KATNAL2: variants seen among roughly 807,000 people sequenced by gnomAD.
KATNAL2 encodes the protein katanin p60 ATPase-containing subunit A-like 2.
Under a neutral mutation model 76.3 loss-of-function variants are expected in KATNAL2, and 52 were observed. The observed-to-expected ratio is 0.68, with a 90% CI of 0.55 to 0.86. The LOEUF (loss-of-function observed/expected upper bound fraction) is 0.86. Among genes scored for constraint, KATNAL2 ranks in the 40% least tolerant of loss-of-function variants. The pLI is 0.00. For synonymous variants in KATNAL2, 243 were observed against 244.2 expected, an observed-to-expected ratio of 1.00 and a Z score of 0.05; for missense variants, 660 against 668.9, an observed-to-expected ratio of 0.99 and a Z score of 0.15.
At chr18:47,061,237 A>G (rs533172325) in intron 8 of KATNAL2, among the ~76,000 whole-genome samples, 2 of 152,288 alleles carry the variant, frequency 1.3e-5, no homozygotes, top group Admixed American at 6.5e-5. Flanking sequence ...TAAAGAAAAG[A>G]GATTTATTTG....
At chr18:47,035,081 C>A (rs1446111248) in intron 3 of KATNAL2, 1 of 1,611,110 alleles carries the variant, frequency 6.2e-7, no homozygotes, top group Admixed American at 1.7e-5. Context: ...AAGTCGCCCA[C>A]GTGCTGGTGC....
intron 1 of KATNAL2, among the ~76,000 whole-genome samples, chr18:46,941,956 A>G (rs2146631095): frequency 6.6e-6 from 1 of 152,234 alleles, no homozygotes; most frequent in African/African-American, 2.4e-5. Context: ...GTCGTTTCCT[A>G]CCAGCTAGGG....
chr18:46,946,042 T>TA lies in KATNAL2; in HGVS notation c.-509-15_-509-14insA. ...ATTCAGTTCAACACTTACGAGAACT[T>TA]TTTTTTTTTTGTAGATTGAGGAAAC... On this transcript the variant is annotated splice_polypyrimidine_tract_variant and intron_variant, in intron 1 of 17. Transcript: ENST00000683218. 3.8e-6 allele frequency: 1 copy of TA among 262,964 alleles called. No individual in the cohort carries two copies. Among genetic ancestry groups the TA allele is most frequent in the Non-Finnish European group, 5.9e-6 (1 of 170,758 alleles). The allele number at this position is 262,964 out of a possible 1,614,324, so 16.3% of individuals were successfully genotyped here. A position where few individuals can be genotyped will look rare whatever the true frequency, so the allele number is the denominator to read the frequency against.
intron 9 of KATNAL2, 39 bp from the exon 10 acceptor site, chr18:47,063,245 G>C: frequency 6.3e-7 from 1 of 1,593,868 alleles, no homozygotes; most frequent in Middle Eastern, 1.7e-4. Context: ...AAATTATGAA[G>C]CAATATTGTA....
At chr18:47,044,579 C>A (rs969755298) in intron 3 of KATNAL2, among the ~76,000 whole-genome samples, 1 of 149,768 alleles carries the variant, frequency 6.7e-6, no homozygotes, top group African/African-American at 2.5e-5. Context: ...GCGAACATGG[C>A]AAAACCCTGT....
At chr18:47,095,302 C>T (rs2063182998) in intron 15 of KATNAL2, among the ~76,000 whole-genome samples, 1 of 152,140 alleles carries the variant, frequency 6.6e-6, no homozygotes, top group Non-Finnish European at 1.5e-5. Context: ...GGCTGGTCCC[C>T]ACCCAAAATT....
intron 15 of KATNAL2, among the ~76,000 whole-genome samples, chr18:47,095,682 G>A (rs2063202583): frequency 6.6e-6 from 1 of 152,222 alleles, no homozygotes; most frequent in East Asian, 1.9e-4. Context: ...TGGGTATGAA[G>A]GATAACATAT....
intron 4 of KATNAL2, among the ~76,000 whole-genome samples, chr18:47,047,056 G>C (rs972724404): frequency 3.3e-5 from 5 of 152,058 alleles, no homozygotes; most frequent in Non-Finnish European, 5.9e-5. Flanking sequence ...CAGTAGCTGA[G>C]ACTGCTGGTG....
chr18:47,035,324 C>G, intron 3 of KATNAL2: 8 of 1,608,766 alleles, frequency 5.0e-6, no homozygotes, highest in South Asian at 3.3e-5. Context: ...TTTGGGGCTG[C>G]GGGACAGGAA....
intron 3 of KATNAL2, among the ~76,000 whole-genome samples, chr18:46,949,854 C>G (rs915915701): frequency 1.3e-5 from 2 of 152,098 alleles, no homozygotes; most frequent in Non-Finnish European, 1.5e-5. Context: ...AGCTATTACC[C>G]CTTGGTTTTT....
chr18:46,950,587 G>T (rs558496129), intron 3 of KATNAL2, among the ~76,000 whole-genome samples: 2 of 152,160 alleles, frequency 1.3e-5, no homozygotes, highest in African/African-American at 4.8e-5. Context: ...GAAAAAAAAC[G>T]AATCTCCTGC....
At chr18:46,944,339 A>G (rs902008404) in intron 1 of KATNAL2, among the ~76,000 whole-genome samples, 2 of 152,256 alleles carry the variant, frequency 1.3e-5, no homozygotes, top group East Asian at 1.9e-4. Flanking sequence ...AAGTAGTACA[A>G]CAATAAAAAT....
intron 4 of KATNAL2, among the ~76,000 whole-genome samples, chr18:47,047,083 G>C (rs557967008): frequency 4.1e-4 from 62 of 152,124 alleles, no homozygotes; most frequent in Non-Finnish European, 8.2e-4. Context: ...ATCATGCCTG[G>C]CTAATTTTTG....
At position 47,059,603 on chromosome 18, in the gene KATNAL2, T is replaced by A. The variant is rs143102397; in HGVS notation, c.498T>A (p.His166Gln). The A allele has an allele frequency of 1.2e-6, 2 of 1,613,792 alleles. No individual in the cohort carries two copies. Among genetic ancestry groups the A allele is most frequent in the Non-Finnish European group, 1.7e-6 (2 of 1,179,678 alleles). ...TGGAAAGTGCCAACTTCGGCCTACATATATCAAGAATCCGTAAAGACAGTG... is the reference window on the plus strand; with the variant it reads ...TGGAAAGTGCCAACTTCGGCCTACAAATATCAAGAATCCGTAAAGACAGTG... ...TRLESANFGL[H>Q]ISRIRKDSGE... is the part of the protein sequence containing the mutation. Residue 166 changes from histidine (H) to glutamine (Q), a missense_variant, in exon 8 of 18, where the codon CAT (histidine) becomes CAA (glutamine). His to Gln is a conservative substitution (Grantham distance 24). Coordinates refer to ENST00000683218, the MANE Select transcript of KATNAL2 (RefSeq NM_001387690.1).
chr18:46,918,992 CGT>C (rs1018481188), intron 1 of KATNAL2, among the ~76,000 whole-genome samples: 2 of 130,512 alleles, frequency 1.5e-5, no homozygotes, highest in African/African-American at 3.0e-5. Context: ...TATGTGTGTG[CGT>C]GTATATATAT....
At chr18:47,086,340 G>A (rs575242420) in intron 15 of KATNAL2, among the ~76,000 whole-genome samples, 24 of 152,054 alleles carry the variant, frequency 1.6e-4, no homozygotes, top group Admixed American at 3.9e-4. Flanking sequence ...ACAGAGTCTC[G>A]CTCTGTTCCC....
chr18:47,069,939 T>C (rs760966609), intron 13 of KATNAL2, among the ~76,000 whole-genome samples: 16 of 152,186 alleles, frequency 1.1e-4, no homozygotes, highest in Non-Finnish European at 1.9e-4. Flanking sequence ...ATGTACACTA[T>C]ATTTGGTTAA....
At chr18:47,030,998 A>C in intron 3 of KATNAL2, among the ~76,000 whole-genome samples, 1 of 74,642 alleles carries the variant, frequency 1.3e-5, no homozygotes, top group Non-Finnish European at 2.7e-5. Flanking sequence ...AACCAGCAGA[A>C]TCCCTCTAGC....
chr18:47,035,200 G>T (rs1302397322), intron 3 of KATNAL2: 3 of 1,612,648 alleles, frequency 1.9e-6, no homozygotes, highest in East Asian at 4.5e-5. Flanking sequence ...TTTCGGCTCC[G>T]TCTTAGTGGC....
Sources: allele counts gnomAD v4.1 joint callset (sites outside exome capture counted in the v4.1 genomes callset), GRCh38; gene constraint gnomAD v4.1.1; transcripts MANE v1.5; gene names NCBI Gene and HGNC (gene_info 2026-07-23, HGNC 2026-07-21).